The following PCDH11Y variants were observed in gnomAD, a reference collection of about 807,000 sequenced individuals.
PCDH11Y encodes the protein protocadherin-11 Y-linked.
For missense variants in PCDH11Y, 12 were observed against 224.8 expected (o/e 0.05, Z 6.05); for synonymous variants, 9 against 83.6 (o/e 0.11, Z 4.87).
chrY:5,076,214 C>T, intron 1 of PCDH11Y, among the ~76,000 whole-genome samples: 1 of 33,353 alleles, frequency 3.0e-5, no homozygotes, highest in Admixed American at 2.7e-4. Flanking sequence ...TATCTTATTT[C>T]GAGAAATGCC....
chrY:5,073,009 C>G, intron 1 of PCDH11Y, among the ~76,000 whole-genome samples: 1 of 32,987 alleles, frequency 3.0e-5, no homozygotes, highest in South Asian at 6.8e-4. Context: ...GTCCTCAGTT[C>G]TTTGTCACCT....
chrY:5,017,529 A>G, intron 1 of PCDH11Y, among the ~76,000 whole-genome samples: 1 of 33,104 alleles, frequency 3.0e-5, no homozygotes, highest in Admixed American at 2.8e-4. Flanking sequence ...CTAAAAGGGC[A>G]GAAAAATTGT....
downstream of PCDH11Y, among the ~76,000 whole-genome samples, chrY:5,109,359 A>G: frequency 2.1e-4 from 7 of 33,865 alleles, no homozygotes; most frequent in African/African-American, 8.0e-4. Flanking sequence ...AATCTAGAAA[A>G]TTGTATAAAG....
At chrY:5,600,586 A>T (rs1602948714) in intron 4 of PCDH11Y, among the ~76,000 whole-genome samples, 1 of 32,251 alleles carries the variant, frequency 3.1e-5, no homozygotes, top group East Asian at 8.2e-4. Context: ...TAAAACAAAA[A>T]GTTCCAGATG....
chrY:5,030,690 T>C (rs2052588553), intron 1 of PCDH11Y, among the ~76,000 whole-genome samples: 1 of 32,706 alleles, frequency 3.1e-5, no homozygotes, highest in Admixed American at 2.9e-4. Flanking sequence ...TCCTACATCT[T>C]CCAGCTATTT....
chrY:5,481,582 C>T, intron 2 of PCDH11Y, among the ~76,000 whole-genome samples: 1 of 32,619 alleles, frequency 3.1e-5, no homozygotes, highest in African/African-American at 1.2e-4. Flanking sequence ...TTTCTTAGCA[C>T]TGGTTTTCTT....
intron 4 of PCDH11Y, among the ~76,000 whole-genome samples, chrY:5,690,635 G>A (rs2053567032): frequency 3.2e-5 from 1 of 31,690 alleles, no homozygotes. Flanking sequence ...TAAGGGAGAT[G>A]AATTGGTGAA....
At chrY:5,620,666 G>T (rs2053498439) in intron 4 of PCDH11Y, among the ~76,000 whole-genome samples, 1 of 32,836 alleles carries the variant, frequency 3.0e-5, no homozygotes, top group African/African-American at 1.2e-4. Context: ...TAAAATATTG[G>T]CAAACGAAAG....
At chrY:5,447,840 T>G (rs2124682393) in intron 2 of PCDH11Y, among the ~76,000 whole-genome samples, 1 of 32,598 alleles carries the variant, frequency 3.1e-5, no homozygotes, top group African/African-American at 1.2e-4. Context: ...GTTTATATAC[T>G]TTGTTCCATT....
intron 2 of PCDH11Y, among the ~76,000 whole-genome samples, chrY:5,190,438 C>A: frequency 3.0e-5 from 1 of 33,728 alleles, no homozygotes; most frequent in African/African-American, 1.2e-4. Flanking sequence ...GAAAGGAAGT[C>A]TATTAAAACC....
At chrY:5,335,725 A>G in intron 2 of PCDH11Y, among the ~76,000 whole-genome samples, 1 of 24,434 alleles carries the variant, frequency 4.1e-5, no homozygotes, top group African/African-American at 1.6e-4. Flanking sequence ...GCTGGATTTG[A>G]ATCACCTAAC....
intron 1 of PCDH11Y, among the ~76,000 whole-genome samples, chrY:5,061,307 C>A: frequency 6.0e-5 from 2 of 33,326 alleles, no homozygotes; most frequent in African/African-American, 2.3e-4. Flanking sequence ...TCCCTATATA[C>A]ATTATAGCTA....
At chrY:5,385,911 T>C (rs2053214364) in intron 2 of PCDH11Y, among the ~76,000 whole-genome samples, 7 of 33,273 alleles carry the variant, frequency 2.1e-4, no homozygotes, top group African/African-American at 7.1e-4. Context: ...ATATTAGTCC[T>C]TTGTTGTATG....
At chrY:5,453,587 T>C (rs2124682956) in intron 2 of PCDH11Y, among the ~76,000 whole-genome samples, 1 of 33,401 alleles carries the variant, frequency 3.0e-5, no homozygotes, top group South Asian at 6.8e-4. Flanking sequence ...AGAGATTTAA[T>C]TGGCTTATGG....
chrY:5,459,147 C>G, intron 2 of PCDH11Y, among the ~76,000 whole-genome samples: 2 of 31,801 alleles, frequency 6.3e-5, no homozygotes, highest in African/African-American at 1.2e-4. Flanking sequence ...AATATTCTTT[C>G]TCTGTTTCTT....
At chrY:5,314,363 G>C (rs1602903173) in intron 2 of PCDH11Y, among the ~76,000 whole-genome samples, 2 of 28,136 alleles carry the variant, frequency 7.1e-5, no homozygotes, top group East Asian at 1.9e-3. Flanking sequence ...TGGTCAGGCT[G>C]GTCTCAAACT....
chrY:5,497,139 A>G, intron 2 of PCDH11Y, among the ~76,000 whole-genome samples: 1 of 33,679 alleles, frequency 3.0e-5, no homozygotes, highest in Non-Finnish European at 7.3e-5. Flanking sequence ...AGAATGATTT[A>G]TAATCCTTTG....
chrY:5,554,696 G>T (rs2124694491), intron 3 of PCDH11Y, among the ~76,000 whole-genome samples: 1 of 33,780 alleles, frequency 3.0e-5, no homozygotes, highest in African/African-American at 1.2e-4. Context: ...CCCAAGCCTT[G>T]GTAGCTTTCA....
intron 2 of PCDH11Y, among the ~76,000 whole-genome samples, chrY:5,130,686 A>G: frequency 3.1e-5 from 1 of 31,829 alleles, no homozygotes; most frequent in Non-Finnish European, 7.6e-5. Context: ...GTTTGAGACC[A>G]GACTGGCCAA....
Sources: allele counts gnomAD v4.1 joint callset (sites outside exome capture counted in the v4.1 genomes callset), GRCh38; gene constraint gnomAD v4.1.1; transcripts MANE v1.5; gene names NCBI Gene and HGNC (gene_info 2026-07-23, HGNC 2026-07-21).